The following SDK1 variants were observed in gnomAD, a reference collection of about 807,000 sequenced individuals.
The protein encoded by SDK1 is protein sidekick-1.
Under a neutral mutation model 245.5 loss-of-function variants are expected in SDK1, and 157 were observed. The observed-to-expected ratio is 0.64, with a 90% confidence interval of 0.56 to 0.73. The LOEUF is 0.73. SDK1 is among the 30% of genes least tolerant of loss of function. The pLI is 0.00. For synonymous variants in SDK1, 1,647 were observed against 1,278.5 expected, an observed-to-expected ratio of 1.29 and a Z score of -6.15; for missense variants, 3,583 against 3,002.3, an observed-to-expected ratio of 1.19 and a Z score of -4.52.
At chr7:4,122,076 C>T (rs1784097525) in intron 25 of SDK1, among the ~76,000 whole-genome samples, 1 of 152,118 alleles carries the variant, frequency 6.6e-6, no homozygotes, top group Non-Finnish European at 1.5e-5. Flanking sequence ...TGCTCCATCT[C>T]TGCCCGTCCT....
intron 35 of SDK1, among the ~76,000 whole-genome samples, chr7:4,205,079 G>C (rs1784141361): frequency 1.2e-5 from 1 of 81,108 alleles, no homozygotes; most frequent in Non-Finnish European, 2.4e-5. Context: ...TGCAGACGCA[G>C]ACAGCACCCC....
chr7:3,994,982 C>T (rs1225687241), intron 14 of SDK1, among the ~76,000 whole-genome samples: 2 of 152,180 alleles, frequency 1.3e-5, no homozygotes, highest in African/African-American at 4.8e-5. Flanking sequence ...CTTCAGGAAG[C>T]CTGGTACTGT....
intron 35 of SDK1, among the ~76,000 whole-genome samples, chr7:4,193,280 AT>A (rs1297130140): frequency 2.9e-5 from 4 of 136,710 alleles, no homozygotes; most frequent in African/African-American, 1.1e-4. Context: ...TACATATAAA[AT>A]ACATATAAAA....
chr7:3,560,542 C>T (rs549088152), intron 1 of SDK1, among the ~76,000 whole-genome samples: 1 of 152,270 alleles, frequency 6.6e-6, no homozygotes, highest in South Asian at 2.1e-4. Flanking sequence ...AATCTGCCGC[C>T]ATTGTCTCTT....
At chr7:3,630,904 A>G (rs1018803269) in intron 2 of SDK1, among the ~76,000 whole-genome samples, 4 of 151,980 alleles carry the variant, frequency 2.6e-5, no homozygotes, top group African/African-American at 7.3e-5. Context: ...TCTAAAATTC[A>G]TCACTAAGCT....
At chr7:4,209,501 C>T (rs556785559) in intron 37 of SDK1, among the ~76,000 whole-genome samples, 1 of 152,310 alleles carries the variant, frequency 6.6e-6, no homozygotes, top group Non-Finnish European at 1.5e-5. Flanking sequence ...CCACCAGCTC[C>T]CTCCCCGCTC....
chr7:3,575,839 G>A (rs1033712487), intron 1 of SDK1, among the ~76,000 whole-genome samples: 20 of 152,002 alleles, frequency 1.3e-4, no homozygotes, highest in Non-Finnish European at 2.6e-4. Flanking sequence ...CCAGGAGGCT[G>A]TAAATCTATT....
intron 2 of SDK1, among the ~76,000 whole-genome samples, chr7:3,638,052 G>C (rs956694802): frequency 1.3e-5 from 2 of 152,238 alleles, no homozygotes; most frequent in African/African-American, 4.8e-5. Context: ...GATTGAGAGG[G>C]CTAGTTTAAA....
chr7:3,785,240 C>A (rs1036349267), intron 4 of SDK1, among the ~76,000 whole-genome samples: 3 of 152,036 alleles, frequency 2.0e-5, no homozygotes, highest in African/African-American at 7.2e-5. Context: ...GTTAAAAGAT[C>A]TCAGGCAAGA....
At chr7:3,605,117 A>G (rs1055094926) in intron 1 of SDK1, among the ~76,000 whole-genome samples, 8 of 147,924 alleles carry the variant, frequency 5.4e-5, no homozygotes, top group South Asian at 2.2e-4. Context: ...TTAATGCTCT[A>G]TAGCACTTGA....
chr7:3,483,634 G>C (rs1583927854), intron 1 of SDK1, among the ~76,000 whole-genome samples: 1 of 152,022 alleles, frequency 6.6e-6, no homozygotes, highest in East Asian at 1.9e-4. Flanking sequence ...CATTTTAATG[G>C]ATGCTTCTAA....
At chr7:3,961,822 T>C (rs887206842) in intron 8 of SDK1, among the ~76,000 whole-genome samples, 2 of 152,170 alleles carry the variant, frequency 1.3e-5, no homozygotes, top group African/African-American at 4.8e-5. Context: ...TAAATACATA[T>C]GTAAATGTAC....
chr7:4,266,520 C>T lies in SDK1; in HGVS notation c.*1136C>T, dbSNP rs1788481340. 1 of 985,322 alleles carries T rather than the reference C, an allele frequency of 1.0e-6. No individual in the cohort carries two copies. Among genetic ancestry groups the T allele is most frequent in the Admixed American group, 6.1e-5 (1 of 16,268 alleles). The allele number at this position is 985,322 out of a possible 1,614,324, so 61.0% of individuals were successfully genotyped here. ...CCACCACTGGCGCTGCTGCTGCCCC[C>T]TCTCCCAGTCCGAGGCCAGCTTTTA... On this transcript the variant is annotated 3_prime_UTR_variant, in exon 45 of 45. Coordinates refer to ENST00000404826, the MANE Select transcript of SDK1 (RefSeq NM_152744.4).
chr7:3,816,046 A>G (rs1247733282), intron 4 of SDK1, among the ~76,000 whole-genome samples: 2 of 142,600 alleles, frequency 1.4e-5, no homozygotes, highest in South Asian at 2.4e-4. Flanking sequence ...TTTGAAACCA[A>G]CGAGAACAAA....
intron 1 of SDK1, among the ~76,000 whole-genome samples, chr7:3,437,770 A>G (rs574451016): frequency 1.7e-4 from 26 of 152,248 alleles, no homozygotes; most frequent in African/African-American, 6.0e-4. Flanking sequence ...TAATAATACT[A>G]AAAAAATTAG....
At chr7:4,162,967 C>T (rs185296790) in intron 32 of SDK1, among the ~76,000 whole-genome samples, 82 of 152,280 alleles carry the variant, frequency 5.4e-4, no homozygotes, top group African/African-American at 1.7e-3. Context: ...GGGAGCTGTG[C>T]GGAGGACTCA....
intron 8 of SDK1, among the ~76,000 whole-genome samples, chr7:3,961,115 G>T (rs527527435): frequency 6.6e-6 from 1 of 152,338 alleles, no homozygotes; most frequent in African/African-American, 2.4e-5. Context: ...CAAATATAGA[G>T]ACAACAGATC....
chr7:3,378,075 G>A (rs2128566097), intron 1 of SDK1, among the ~76,000 whole-genome samples: 1 of 152,214 alleles, frequency 6.6e-6, no homozygotes, highest in East Asian at 1.9e-4. Context: ...CACTGCGCCG[G>A]CCCCCAAACT....
At chr7:3,842,642 A>T (rs968545097) in intron 5 of SDK1, among the ~76,000 whole-genome samples, 3 of 152,156 alleles carry the variant, frequency 2.0e-5, no homozygotes, top group African/African-American at 7.2e-5. Flanking sequence ...GTTGTGACGA[A>T]CAATCGTGAG....
Sources: gnomAD v4.1 joint callset for allele counts (sites outside exome capture counted in the v4.1 genomes callset) on GRCh38, gnomAD v4.1.1 for gene constraint, MANE v1.5 for transcripts, NCBI Gene and HGNC (gene_info 2026-07-23, HGNC 2026-07-21) for gene names.